The following ABCB11 variants were observed in gnomAD, a reference collection of about 807,000 sequenced individuals.
ABCB11 encodes the protein ATP binding cassette subfamily B member 11.
A neutral mutation model predicts 148.0 loss-of-function variants in ABCB11; 95 were observed. The observed-to-expected ratio is 0.64, with a 90% CI of 0.54 to 0.76. The LOEUF (loss-of-function observed/expected upper bound fraction) is 0.76, where lower values mean the gene tolerates loss of function less well. Among genes scored for constraint, ABCB11 ranks in the 30% least tolerant of loss-of-function variants. ABCB11 has a pLI of 0.00. For synonymous variants in ABCB11, 591 were observed against 555.4 expected, an observed-to-expected ratio of 1.06 and a Z score of -0.90; for missense variants, 1,523 against 1,617.8, an observed-to-expected ratio of 0.94 and a Z score of 1.01.
At chr2:169,011,956 T>C (rs1282803420) in intron 5 of ABCB11, among the ~76,000 whole-genome samples, 2 of 152,178 alleles carry the variant, frequency 1.3e-5, no homozygotes, top group East Asian at 3.9e-4. Context: ...TGAGCCACCA[T>C]ACCTGGCTAG....
chr2:168,948,039 G>C (rs745713478), intron 19 of ABCB11, among the ~76,000 whole-genome samples: 1 of 151,546 alleles, frequency 6.6e-6, no homozygotes, highest in Non-Finnish European at 1.5e-5. Context: ...AATGGAGACC[G>C]GGAGAAGAGG....
intron 19 of ABCB11, among the ~76,000 whole-genome samples, chr2:168,947,015 C>A (rs1692353391): frequency 1.3e-5 from 2 of 151,780 alleles, no homozygotes; most frequent in Admixed American, 6.6e-5. Context: ...TGTTGAAATG[C>A]AACTCCAAGG....
At chr2:168,959,547 C>T (rs1344760689) in intron 18 of ABCB11, among the ~76,000 whole-genome samples, 4 of 151,646 alleles carry the variant, frequency 2.6e-5, no homozygotes. Flanking sequence ...GGGAAACAAT[C>T]TCTCTGAGTC....
chr2:168,940,909 A>G (rs573957592), intron 21 of ABCB11, among the ~76,000 whole-genome samples: 169 of 152,268 alleles, frequency 1.1e-3, no homozygotes, highest in Non-Finnish European at 2.2e-3. Flanking sequence ...AGGCTGGATG[A>G]CAGCACATCT....
At chr2:168,939,315 T>C in intron 21 of ABCB11, among the ~76,000 whole-genome samples, 1 of 152,022 alleles carries the variant, frequency 6.6e-6, no homozygotes. Flanking sequence ...TGGGGGGATA[T>C]CATTATTTAC....
intron 1 of ABCB11, among the ~76,000 whole-genome samples, chr2:169,026,871 T>C (rs1695713339): frequency 6.6e-6 from 1 of 152,170 alleles, no homozygotes; most frequent in Non-Finnish European, 1.5e-5. Context: ...TTCTATGATT[T>C]AAGAGTACCA....
rs1334037275 is a variant in ABCB11 at position 168,979,870 on chromosome 2, T to C, written c.1193A>G (p.Asp398Gly). 1.2e-6 allele frequency: 2 copies of C among 1,604,040 alleles called. No homozygotes were observed. The highest frequency in any genetic ancestry group is 2.7e-5 in the African/African-American group (2 of 74,502). ...TTACTTTTGGCTTATACATACCCTGTCTATTGTCTCAAAAATGCTGGTGGC... is the reference window on the plus strand; with the variant it reads ...TTACTTTTGGCTTATACATACCCTGCCTATTGTCTCAAAAATGCTGGTGGC... ...AAATSIFETI[D>G]RKPIIDCMSE... Residue 398 changes from aspartate to glycine, a missense_variant, in exon 11 of 28, where the codon GAC becomes GGC. Coordinates refer to ENST00000650372, the MANE Select transcript of ABCB11 (RefSeq NM_003742.4).
chr2:168,993,121 CT>C (rs1694594716), intron 8 of ABCB11, among the ~76,000 whole-genome samples: 1 of 152,048 alleles, frequency 6.6e-6, no homozygotes, highest in Non-Finnish European at 1.5e-5. Flanking sequence ...CAGATCACCT[CT>C]CTCTGAAAGA....
rs1691517599 is a variant in ABCB11, at chr2:168,930,544, G to C, written c.3411+121C>G. The C allele has an allele frequency of 7.5e-6, 5 of 668,760 alleles. No individual in the cohort carries two copies. The East Asian group carries it at 1.6e-4, about 21-fold the overall frequency. 41.4% of individuals were successfully genotyped at this position (668,760 alleles called of 1,614,324 possible). On this transcript the variant is annotated intron_variant, in intron 25 of 27. Coordinates refer to ENST00000650372, the MANE Select transcript of ABCB11 (RefSeq NM_003742.4). ...GACTGGGACTGGAAAATATGCATGG[G>C]GTAAGTGCCTTAGGCAAGCATTTTA...
intron 1 of ABCB11, among the ~76,000 whole-genome samples, chr2:169,020,089 T>C (rs974353002): frequency 6.6e-6 from 1 of 152,112 alleles, no homozygotes; most frequent in African/African-American, 2.4e-5. Context: ...CAAAAGAACA[T>C]AATTAAAACT....
intron 5 of ABCB11, among the ~76,000 whole-genome samples, chr2:169,002,619 G>A (rs548265794): frequency 2.0e-5 from 3 of 152,260 alleles, no homozygotes; most frequent in Admixed American, 6.5e-5. Flanking sequence ...AAAAAATCCT[G>A]TCCTTTGCAA....
intron 14 of ABCB11, among the ~76,000 whole-genome samples, chr2:168,971,443 A>G (rs1272287931): frequency 6.6e-6 from 1 of 152,056 alleles, no homozygotes; most frequent in Non-Finnish European, 1.5e-5. Context: ...CTGCCTAAGC[A>G]CAAGAAAATT....
chr2:168,986,470 T>C (rs1694330311), intron 9 of ABCB11, among the ~76,000 whole-genome samples, 186 bp from the exon 10 acceptor site: 1 of 152,098 alleles, frequency 6.6e-6, no homozygotes, highest in South Asian at 2.1e-4. Context: ...AACCTGACAA[T>C]GAAACATGTT....
chr2:169,020,814 T>A lies in ABCB11; in HGVS notation c.-27-2662A>T, dbSNP rs190124911. The stretch of plus-strand genomic sequence containing the variant: ...AAGAAAATGTTCTAAAGTTAGATTA[T>A]GGTGATGGTCGCACAACTCTGTTAA... On this transcript the variant is annotated intron_variant, in intron 1 of 27. Coordinates refer to ENST00000650372, the MANE Select transcript of ABCB11 (RefSeq NM_003742.4). 4.4e-3 allele frequency among the ~76,000 whole-genome samples: 663 copies of A among 152,280 alleles called. 6 individuals carry two copies. Among genetic ancestry groups the A allele is most frequent in the South Asian group, 0.018 (88 of 4,824 alleles).
At chr2:168,924,218 T>C (rs915962028) in intron 27 of ABCB11, among the ~76,000 whole-genome samples, 6 of 152,252 alleles carry the variant, frequency 3.9e-5, no homozygotes, top group African/African-American at 1.4e-4. Context: ...GCATTAATTA[T>C]ACATTTTAAA....
chr2:168,927,101 T>C (rs1238931782), intron 26 of ABCB11, 55 bp downstream of exon 26: 9 of 1,487,374 alleles, frequency 6.1e-6, no homozygotes, highest in Non-Finnish European at 8.4e-6. Context: ...CTCTGGTCAT[T>C]CTACTTCTCC....
chr2:168,933,822 G>A (rs1250572658), intron 23 of ABCB11, among the ~76,000 whole-genome samples: 1 of 152,174 alleles, frequency 6.6e-6, no homozygotes, highest in Non-Finnish European at 1.5e-5. Flanking sequence ...TCAGCTCACT[G>A]TAGCCTCTGC....
At chr2:169,012,729 A>G (rs902574121) in intron 5 of ABCB11, among the ~76,000 whole-genome samples, 8 of 146,250 alleles carry the variant, frequency 5.5e-5, no homozygotes, top group African/African-American at 2.0e-4. Flanking sequence ...AAAAAAGGAG[A>G]CTCCATCTTA....
At chr2:168,952,363 T>A (rs1280526993) in intron 19 of ABCB11, among the ~76,000 whole-genome samples, 3 of 151,440 alleles carry the variant, frequency 2.0e-5, no homozygotes, top group Non-Finnish European at 4.4e-5. Context: ...GGCTTTTATT[T>A]TTTTTTGTTA....
Sources: allele counts gnomAD v4.1 joint callset (sites outside exome capture counted in the v4.1 genomes callset), GRCh38; gene constraint gnomAD v4.1.1; transcripts MANE v1.5; gene names NCBI Gene and HGNC (gene_info 2026-07-23, HGNC 2026-07-21).